MAP3K19: variants seen among roughly 807,000 people sequenced by gnomAD.
The protein encoded by MAP3K19 is SPS1/STE20-related protein kinase YSK4.
A neutral mutation model predicts 114.4 loss-of-function variants in MAP3K19; 91 were observed. The observed-to-expected ratio is 0.80, with a 90% CI of 0.67 to 0.95. The LOEUF is 0.95. Among genes scored for constraint, MAP3K19 ranks in the 40% least tolerant of loss-of-function variants. The probability of loss-of-function intolerance (pLI) is 0.00; values close to 1 mark genes in which losing one functional copy is unlikely to be tolerated. For missense variants in MAP3K19, 1,471 were observed against 1,573.2 expected, an observed-to-expected ratio of 0.94 and a Z score of 1.10; for synonymous variants, 518 against 530.5, an observed-to-expected ratio of 0.98 and a Z score of 0.32.
At position 134,999,106 on chromosome 2, in the gene MAP3K19, A is replaced by G. The variant is rs1686244295; in HGVS notation, c.315-109T>C. Reference sequence around the variant, plus strand: ...TAGAAAGTTTGAAGAACTACTTCCAAATGGTGCTGCTGAAAGGAAAGGCTG... The same window carrying G: ...TAGAAAGTTTGAAGAACTACTTCCAGATGGTGCTGCTGAAAGGAAAGGCTG... On this transcript the variant is annotated intron_variant, in intron 7 of 12. Transcript: ENST00000392915. The surrounding 1 kb of genome is among the most constrained non-coding windows in gnomAD (Gnocchi z 4.1). The G allele has an allele frequency of 2.4e-6, 3 of 1,258,244 alleles. No homozygotes were observed. The highest frequency in any genetic ancestry group is 3.0e-5 in the African/African-American group (2 of 66,616). 77.9% of individuals were successfully genotyped at this position (1,258,244 alleles called of 1,614,324 possible).
intron 9 of MAP3K19, among the ~76,000 whole-genome samples, chr2:134,991,068 G>A (rs941076913): frequency 2.6e-5 from 4 of 151,754 alleles, no homozygotes; most frequent in Admixed American, 6.6e-5. Flanking sequence ...TTGGGAGGCC[G>A]AGGCGGGCGG....
In MAP3K19 at chr2:134,964,718, C is replaced by G. The variant is rs1358655722; in HGVS notation, c.*132G>C. On this transcript the variant is annotated 3_prime_UTR_variant, in exon 13 of 13. Coordinates refer to ENST00000392915, the MANE Select transcript of MAP3K19 (RefSeq NM_025052.5). ...TGTAACTGCAACTTTCAGTTAATGACTCCATAGGATCTGCTTAAACTGGGT... is the reference window on the plus strand; with the variant it reads ...TGTAACTGCAACTTTCAGTTAATGAGTCCATAGGATCTGCTTAAACTGGGT... 1 of 616,310 alleles carries G rather than the reference C, an allele frequency of 1.6e-6. No homozygotes were observed. The highest frequency in any genetic ancestry group is 2.9e-5 in the East Asian group (1 of 34,326). 38.2% of individuals were successfully genotyped at this position (616,310 alleles called of 1,614,324 possible).
At chr2:134,993,361 G>A (rs1370998822) in intron 8 of MAP3K19, among the ~76,000 whole-genome samples, 1 of 152,214 alleles carries the variant, frequency 6.6e-6, no homozygotes, top group Non-Finnish European at 1.5e-5. Context: ...GGCAACAGGA[G>A]GGGGCACAGG....
At chr2:135,020,861 TC>T (rs1185918428) in intron 5 of MAP3K19, among the ~76,000 whole-genome samples, 1 of 152,162 alleles carries the variant, frequency 6.6e-6, no homozygotes, top group Non-Finnish European at 1.5e-5. Flanking sequence ...TCCTGGGGCC[TC>T]CCCAGCCATG....
chr2:134,992,081 T>C (rs1464243073), intron 8 of MAP3K19, among the ~76,000 whole-genome samples: 2 of 152,208 alleles, frequency 1.3e-5, no homozygotes, highest in African/African-American at 2.4e-5. Flanking sequence ...AGGAGAAAGA[T>C]GACTCTATGT....
At chr2:135,038,752 G>A (rs1688584310) in intron 2 of MAP3K19, among the ~76,000 whole-genome samples, 1 of 151,902 alleles carries the variant, frequency 6.6e-6, no homozygotes, top group Admixed American at 6.6e-5. Context: ...CAACTACTTG[G>A]GAGACTGAGG....
chr2:135,032,840 A>G (rs1688421487), intron 2 of MAP3K19, among the ~76,000 whole-genome samples: 1 of 150,126 alleles, frequency 6.7e-6, no homozygotes, highest in Non-Finnish European at 1.5e-5. Flanking sequence ...GCCTTCAAGC[A>G]TCTGTTTAAC....
chr2:134,969,812 TA>T (rs1240035743), intron 12 of MAP3K19, among the ~76,000 whole-genome samples: 1 of 152,210 alleles, frequency 6.6e-6, no homozygotes, highest in Non-Finnish European at 1.5e-5. Flanking sequence ...TATGGTGAGA[TA>T]GGGGTCTAAC....
intron 6 of MAP3K19, among the ~76,000 whole-genome samples, chr2:135,004,475 G>T (rs1395278233): frequency 3.3e-5 from 5 of 152,212 alleles, no homozygotes; most frequent in Admixed American, 1.3e-4. Flanking sequence ...CTACTCGGGA[G>T]AGCTGCAGCC....
At chr2:135,007,661 A>G (rs1478075776) in intron 5 of MAP3K19, among the ~76,000 whole-genome samples, 1 of 151,044 alleles carries the variant, frequency 6.6e-6, no homozygotes, top group African/African-American at 2.4e-5. Context: ...AGCGTTTTCT[A>G]TCTCCTGGCA....
Position 134,980,854 on chromosome 2 carries a change from T to C in MAP3K19, c.3887A>G (p.Asn1296Ser). 1 of 1,614,114 alleles carries C rather than the reference T, an allele frequency of 6.2e-7. No homozygotes were observed. The highest frequency in any genetic ancestry group is 8.5e-7 in the Non-Finnish European group (1 of 1,179,924). The change falls in exon 12 of 13, where the codon AAT becomes AGT. Residue 1296 changes from asparagine (N) to serine (S), a missense_variant. Transcript: ENST00000392915. ...MPPLPDHFSE[N>S]AADFVRMCLT... ...GCACATGCGCACAAAGTCTGCTGCA[T>C]TTTCTGAGAAGTGGTCTGGTAAAGG...
chr2:135,036,016 T>C (rs1374932578), intron 2 of MAP3K19, among the ~76,000 whole-genome samples: 1 of 152,096 alleles, frequency 6.6e-6, no homozygotes, highest in African/African-American at 2.4e-5. Flanking sequence ...GTAGTTTTAG[T>C]AGAGACGGGG....
chr2:134,983,193 C>T (rs759071870), intron 11 of MAP3K19: 23 of 533,150 alleles, frequency 4.3e-5, no homozygotes, highest in African/African-American at 4.2e-4. Context: ...TCTTCATCGC[C>T]CACCCCCCAA....
intron 1 of MAP3K19, among the ~76,000 whole-genome samples, chr2:135,045,130 A>G (rs892021001): frequency 4.6e-5 from 7 of 152,192 alleles, no homozygotes; most frequent in Non-Finnish European, 1.0e-4. Flanking sequence ...GAATGGATTT[A>G]ATTTCACAAA....
intron 12 of MAP3K19, among the ~76,000 whole-genome samples, chr2:134,966,182 A>G (rs1003834558): frequency 6.6e-5 from 10 of 152,224 alleles, no homozygotes; most frequent in Admixed American, 3.3e-4. Context: ...TAGTGCTGCA[A>G]TAAGCATGAG....
At chr2:134,981,856 A>ATACT (rs977912944) in intron 11 of MAP3K19, among the ~76,000 whole-genome samples, 1 of 150,100 alleles carries the variant, frequency 6.7e-6, no homozygotes, top group Non-Finnish European at 1.5e-5. Flanking sequence ...TGAGGTAACA[A>ATACT]TACTTGCCTC....
At chr2:135,002,613 TAA>T (rs10556788) in intron 6 of MAP3K19, among the ~76,000 whole-genome samples, 1 of 89,894 alleles carries the variant, frequency 1.1e-5, no homozygotes, top group Non-Finnish European at 2.1e-5. Flanking sequence ...ACACAGACTT[TAA>T]AAAAAAAAAA....
intron 8 of MAP3K19, among the ~76,000 whole-genome samples, chr2:134,993,126 T>C (rs1685730283): frequency 6.6e-6 from 1 of 152,212 alleles, no homozygotes; most frequent in African/African-American, 2.4e-5. Flanking sequence ...TCCTCCCTTC[T>C]TGGCTTCCCA....
intron 1 of MAP3K19, among the ~76,000 whole-genome samples, chr2:135,042,000 C>G (rs767606491): frequency 6.6e-5 from 10 of 152,162 alleles, no homozygotes; most frequent in Non-Finnish European, 1.5e-4. Flanking sequence ...AGAAATAGTA[C>G]TAGCCCATGA....
Sources: allele counts gnomAD v4.1 joint callset (sites outside exome capture counted in the v4.1 genomes callset), GRCh38; gene constraint gnomAD v4.1.1; non-coding constraint Gnocchi (gnomAD v3.1); transcripts MANE v1.5; gene names NCBI Gene and HGNC (gene_info 2026-07-23, HGNC 2026-07-21).